Variants in OR5D3 observed in about 807,000 individuals in gnomAD.
OR5D3 encodes the protein olfactory receptor family 5 subfamily D member 3, also known as olfactory receptor 5D3.
chr11:55,728,324 T>C, the OR5D3 span: 3 of 152,062 alleles, frequency 2.0e-5, no homozygotes, highest in Non-Finnish European at 4.4e-5. Flanking sequence ...AACTGCAAGA[T>C]TACAAGTCAA....
the OR5D3 span, chr11:55,726,291 C>G: frequency 4.7e-6 from 2 of 421,158 alleles, no homozygotes; most frequent in Non-Finnish European, 8.4e-6. Context: ...TTCAGATACC[C>G]CTGTTCCTGG....
At chr11:55,725,350 C>T in the OR5D3 span, among the ~76,000 whole-genome samples, 1 of 152,014 alleles carries the variant, frequency 6.6e-6, no homozygotes, top group Admixed American at 6.6e-5. Context: ...GTCTTCCTGA[C>T]ACTTATTCTT....
the OR5D3 span, chr11:55,728,292 G>T: frequency 1.3e-5 from 2 of 152,060 alleles, no homozygotes; most frequent in Non-Finnish European, 2.9e-5. Context: ...CAAGAGTTGA[G>T]AAAGTTATCT....
the OR5D3 span, among the ~76,000 whole-genome samples, chr11:55,725,670 A>G: frequency 6.6e-6 from 1 of 152,048 alleles, no homozygotes; most frequent in Admixed American, 6.6e-5. Context: ...ATATTAGTGT[A>G]ACACAGCTCC....
the OR5D3 span, chr11:55,727,727 T>C: frequency 9.2e-5 from 14 of 152,176 alleles, no homozygotes; most frequent in African/African-American, 3.4e-4. Flanking sequence ...ATGGTAAATA[T>C]TTTTGCAAAT....
chr11:55,729,266 G>A, the OR5D3 span: 6 of 151,846 alleles, frequency 4.0e-5, no homozygotes, highest in African/African-American at 9.7e-5. Context: ...ATGTAAGTGA[G>A]TTTGCTAATG....
the OR5D3 span, among the ~76,000 whole-genome samples, chr11:55,725,595 T>C: frequency 6.6e-6 from 1 of 152,048 alleles, no homozygotes; most frequent in African/African-American, 2.4e-5. Flanking sequence ...AGTGATATAA[T>C]ACATCATTAA....
chr11:55,724,791 A>G, the OR5D3 span, among the ~76,000 whole-genome samples: 16 of 152,076 alleles, frequency 1.1e-4, no homozygotes, highest in African/African-American at 3.6e-4. Flanking sequence ...TGACTGGGAA[A>G]TACAGTCATA....
chr11:55,727,844 G>A, the OR5D3 span: 1 of 151,806 alleles, frequency 6.6e-6, no homozygotes, highest in Non-Finnish European at 1.5e-5. Flanking sequence ...TCCTTTGTAA[G>A]AAATAATATA....
the OR5D3 span, chr11:55,729,299 G>T: frequency 2.7e-5 from 4 of 149,454 alleles, no homozygotes; most frequent in Non-Finnish European, 5.9e-5. Context: ...GATAGCTATG[G>T]GCTATTTTTT....
At chr11:55,725,775 T>C in the OR5D3 span, among the ~76,000 whole-genome samples, 1 of 152,040 alleles carries the variant, frequency 6.6e-6, no homozygotes, top group African/African-American at 2.4e-5. Flanking sequence ...TACAGGAATG[T>C]TAACATTTTA....
At chr11:55,726,397 T>A in the OR5D3 span, 1 of 474,290 alleles carries the variant, frequency 2.1e-6, no homozygotes, top group Non-Finnish European at 3.9e-6. Flanking sequence ...TATGTACTTT[T>A]TCCTCAGCCA....
the OR5D3 span, among the ~76,000 whole-genome samples, chr11:55,725,209 CA>C: frequency 2.6e-5 from 4 of 151,972 alleles, no homozygotes; most frequent in Non-Finnish European, 4.4e-5. Context: ...CATTCATTAG[CA>C]ATCTTTCTGC....
At chr11:55,724,093 G>A in the OR5D3 span, 1 of 397,140 alleles carries the variant, frequency 2.5e-6, no homozygotes, top group Non-Finnish European at 4.4e-6. Context: ...TATTTCAGAA[G>A]GAAAATACTG....
the OR5D3 span, chr11:55,729,063 T>A: frequency 6.6e-6 from 1 of 151,962 alleles, no homozygotes; most frequent in South Asian, 2.1e-4. Flanking sequence ...TAGGTTTCTT[T>A]TAGTACAAAA....
chr11:55,726,584 T>C, the OR5D3 span: 1 of 404,710 alleles, frequency 2.5e-6, no homozygotes, highest in African/African-American at 2.1e-5. Flanking sequence ...GACAGATTTG[T>C]GGCAGTGTGT....
At chr11:55,726,362 G>A in the OR5D3 span, 2 of 469,040 alleles carry the variant, frequency 4.3e-6, no homozygotes, top group African/African-American at 2.0e-5. Flanking sequence ...ATGGTCATCA[G>A]GATCAACCCC....
At chr11:55,725,969 C>T in the OR5D3 span, among the ~76,000 whole-genome samples, 1 of 151,902 alleles carries the variant, frequency 6.6e-6, no homozygotes, top group Non-Finnish European at 1.5e-5. Context: ...GGAAGGTATA[C>T]CCTGTTTTGT....
chr11:55,725,248 T>A, the OR5D3 span, among the ~76,000 whole-genome samples: 1 of 152,066 alleles, frequency 6.6e-6, no homozygotes, highest in African/African-American at 2.4e-5. Flanking sequence ...AAATTTTATA[T>A]CATGAATATA....
Sources: gnomAD v4.1 joint callset for allele counts (sites outside exome capture counted in the v4.1 genomes callset) on GRCh38, gnomAD v4.1.1 for gene constraint, MANE v1.5 for transcripts, NCBI Gene and HGNC (gene_info 2026-07-23, HGNC 2026-07-21) for gene names.